Variants in KDM4A observed in about 807,000 individuals in gnomAD.
KDM4A encodes lysine demethylase 4A.
KDM4A carries 23 observed loss-of-function variants against 127.1 expected under a neutral mutation model. The ratio of observed to expected loss-of-function variants is 0.18; its 90% confidence interval spans 0.13 to 0.26. KDM4A has a LOEUF of 0.26. KDM4A is among the 10% of genes least tolerant of loss of function. The probability of loss-of-function intolerance (pLI) is 1.00; values close to 1 mark genes in which losing one functional copy is unlikely to be tolerated. For synonymous variants in KDM4A, 443 were observed against 466.5 expected, an observed-to-expected ratio of 0.95 and a Z score of 0.65; for missense variants, 890 against 1,329.1, an observed-to-expected ratio of 0.67 and a Z score of 5.14.
chr1:43,688,862 G>A lies in KDM4A; in HGVS notation c.1856-52G>A. The A allele has an allele frequency of 2.6e-6, 4 of 1,525,590 alleles. No individual in the cohort carries two copies. Among genetic ancestry groups the A allele is most frequent in the Non-Finnish European group, 3.6e-6 (4 of 1,109,398 alleles). 94.5% of individuals were successfully genotyped at this position (1,525,590 alleles called of 1,614,324 possible). A position where few individuals can be genotyped will look rare whatever the true frequency, so the allele number is the denominator to read the frequency against. On this transcript the variant is annotated intron_variant, in intron 12 of 21. Coordinates refer to ENST00000372396, the MANE Select transcript of KDM4A (RefSeq NM_014663.3). The surrounding 1 kb of genome is among the most constrained non-coding windows in gnomAD (Gnocchi z 4.4). Reference sequence around the variant, plus strand: ...GGAACTCATCTGTTCTCCAGGCAGAGCCACAGATGTGCAGGGTTAGTGCTG... The same window carrying A: ...GGAACTCATCTGTTCTCCAGGCAGAACCACAGATGTGCAGGGTTAGTGCTG...
At position 43,659,075 on chromosome 1, in the gene KDM4A, T is replaced by TC. The variant is rs1047138062; in HGVS notation, c.315-1222dup. ...ACTTTGGGAGGCCGAGGTTGGAGGA[T>TC]CACTGGAGGCCAGGAATTTGAGACC... On this transcript the variant is annotated intron_variant, in intron 3 of 21. Transcript: ENST00000372396. 1.1e-3 allele frequency among the ~76,000 whole-genome samples: 166 copies of TC among 152,122 alleles called. 2 individuals carry two copies. Among genetic ancestry groups the TC allele is most frequent in the African/African-American group, 3.8e-3 (157 of 41,504 alleles).
chr1:43,677,684 C>T (rs2154047752), intron 11 of KDM4A, among the ~76,000 whole-genome samples: 1 of 152,092 alleles, frequency 6.6e-6, no homozygotes, highest in Admixed American at 6.5e-5. Flanking sequence ...GAAGATTGTT[C>T]TGGAGGCAGT....
intron 5 of KDM4A, among the ~76,000 whole-genome samples, chr1:43,664,658 T>C (rs1477681610): frequency 1.3e-5 from 2 of 152,220 alleles, no homozygotes; most frequent in African/African-American, 4.8e-5. Flanking sequence ...AAAGAACCTT[T>C]TGAGCCTATG....
chr1:43,696,893 G>A (rs1661253875), intron 18 of KDM4A, among the ~76,000 whole-genome samples: 1 of 149,274 alleles, frequency 6.7e-6, no homozygotes, highest in African/African-American at 2.4e-5. Context: ...TAGGTGCCAG[G>A]ACTATACCAT....
rs952618893 is a variant in KDM4A, at chr1:43,694,121, T to C, written c.2484+19T>C. 2.5e-6 allele frequency: 4 copies of C among 1,586,362 alleles called. No homozygotes were observed. The highest frequency in any genetic ancestry group is 2.7e-5 in the African/African-American group (2 of 74,364). On this transcript the variant is annotated intron_variant, in intron 17 of 21. Coordinates refer to ENST00000372396, the MANE Select transcript of KDM4A (RefSeq NM_014663.3). This position sits in a 1 kb window ranked among gnomAD's most constrained non-coding sequence, Gnocchi z 5.2. ...CAAACTGGTAAGGGCTTGTAGACTC[T>C]ACATAATTTCCCGACTTACAAGTTT... is the stretch of plus-strand genomic sequence containing the variant.
At chr1:43,671,115 T>C in intron 10 of KDM4A, among the ~76,000 whole-genome samples, 1 of 152,256 alleles carries the variant, frequency 6.6e-6, no homozygotes, top group East Asian at 1.9e-4. Context: ...ACATCCACCC[T>C]CTTAATATTT....
intron 9 of KDM4A, 109 bp downstream of exon 9, chr1:43,668,128 GT>G (rs1660540779): frequency 1.4e-6 from 2 of 1,407,344 alleles, no homozygotes; most frequent in African/African-American, 2.9e-5. Flanking sequence ...TTTTGTTTTT[GT>G]TTTTGTTTTT....
intron 11 of KDM4A, among the ~76,000 whole-genome samples, chr1:43,679,599 T>A (rs1660813679): frequency 6.6e-6 from 1 of 152,140 alleles, no homozygotes; most frequent in Non-Finnish European, 1.5e-5. Flanking sequence ...GTCAAGGGCC[T>A]TTTTTAGGTC....
chr1:43,672,558 G>A (rs575915476), intron 11 of KDM4A, among the ~76,000 whole-genome samples: 4 of 149,238 alleles, frequency 2.7e-5, no homozygotes, highest in Non-Finnish European at 5.9e-5. Flanking sequence ...GCAGTGGCAC[G>A]ATCTTGGCTC....
Position 43,704,273 on chromosome 1 carries a change from A to G in KDM4A, c.3098A>G (p.Lys1033Arg). The part of the protein sequence containing the change: ...DMRFNEIFTE[K>R]EVKQEKKRQR... ...CGCTTCAATGAGATTTTCACAGAGA[A>G]AGAGGTTAAGCAAGAAAAGAAACGG... Residue 1033 changes from lysine (K) to arginine (R), a missense_variant, in exon 22 of 22, where the codon AAA becomes AGA. Around this residue, in one of 7 missense-constraint regions of KDM4A, gnomAD observed 246 missense variants for 418.4 expected, o/e 0.59. Coordinates refer to ENST00000372396, the MANE Select transcript of KDM4A (RefSeq NM_014663.3). 1 of 1,614,154 alleles carries G rather than the reference A, an allele frequency of 6.2e-7. No individual in the cohort carries two copies. The highest frequency in any genetic ancestry group is 1.1e-5 in the South Asian group (1 of 91,082).
At chr1:43,666,641 C>T (rs1660507139) in intron 7 of KDM4A, 86 bp downstream of exon 7, 2 of 1,060,440 alleles carry the variant, frequency 1.9e-6, no homozygotes, top group Admixed American at 3.8e-5. Flanking sequence ...ATCACTATAC[C>T]AAGAGGGGGC....
intron 19 of KDM4A, among the ~76,000 whole-genome samples, chr1:43,703,137 T>C (rs1661446652): frequency 6.6e-6 from 1 of 151,920 alleles, no homozygotes; most frequent in Non-Finnish European, 1.5e-5. Flanking sequence ...AGAGATGGGG[T>C]TTCACCATGT....
rs1660841092 is a variant in KDM4A at position 43,680,840 on chromosome 1, C to T, written c.1735-2844C>T. Among the ~76,000 whole-genome samples, 6 of 152,230 alleles carry T rather than the reference C, an allele frequency of 3.9e-5. No individual in the cohort carries two copies. In the South Asian group the frequency reaches 1.0e-3, roughly 26 times the overall value. On this transcript the variant is annotated intron_variant, in intron 11 of 21. Coordinates refer to ENST00000372396, the MANE Select transcript of KDM4A (RefSeq NM_014663.3). Reference sequence around the variant, plus strand: ...CAGGGTACGCTCCCTATTTTAAACACTATCTGATTAGCAATCTTAATTCTC... The same window carrying T: ...CAGGGTACGCTCCCTATTTTAAACATTATCTGATTAGCAATCTTAATTCTC...
intron 4 of KDM4A, among the ~76,000 whole-genome samples, chr1:43,662,501 G>A (rs574627622): frequency 2.6e-5 from 4 of 152,210 alleles, no homozygotes; most frequent in South Asian, 4.2e-4. Flanking sequence ...CCAGGTGCGC[G>A]GGAGGCTGAA....
In KDM4A at chr1:43,704,521, C is replaced by T; in HGVS notation, c.*151C>T. 1.2e-6 allele frequency: 1 copy of T among 825,452 alleles called. No individual in the cohort carries two copies. Among genetic ancestry groups the T allele is most frequent in the Non-Finnish European group, 1.9e-6 (1 of 530,232 alleles). 51.1% of individuals were successfully genotyped at this position (825,452 alleles called of 1,614,324 possible). A position where few individuals can be genotyped will look rare whatever the true frequency, so the allele number is the denominator to read the frequency against. On this transcript the variant is annotated 3_prime_UTR_variant, in exon 22 of 22. Transcript: ENST00000372396. ...CCGACCCATCATCTTCTCACCCACC[C>T]TCATTGCATTCCGCTGTAGTGAAAG...
Position 43,669,311 on chromosome 1 carries a change from A to AT in KDM4A, c.1363+13dup, listed in dbSNP as rs1660567791. On this transcript the variant is annotated intron_variant, in intron 10 of 21. Transcript: ENST00000372396. The stretch of plus-strand genomic sequence containing the variant: ...TCTTACCTTCCCAGGTTAGTTGACT[A>AT]TGGTGTATTTTCCACAACCCTAACT... 1 of 1,613,484 alleles carries AT rather than the reference A, an allele frequency of 6.2e-7. No individual in the cohort carries two copies. The highest frequency in any genetic ancestry group is 1.7e-5 in the Admixed American group (1 of 59,984).
intron 1 of KDM4A, among the ~76,000 whole-genome samples, chr1:43,652,679 C>CTTTCT (rs1415433887): frequency 1.7e-5 from 2 of 118,770 alleles, no homozygotes; most frequent in African/African-American, 6.2e-5. Context: ...TTCTTTCTTT[C>CTTTCT]TTTTTTTTTT....
chr1:43,680,019 T>G (rs1660823424), intron 11 of KDM4A, among the ~76,000 whole-genome samples: 1 of 152,160 alleles, frequency 6.6e-6, no homozygotes, highest in Non-Finnish European at 1.5e-5. Flanking sequence ...CAGCTGCTAG[T>G]TGGTCGAACC....
chr1:43,704,404 C>T lies in KDM4A; in HGVS notation c.*34C>T. 6.3e-7 allele frequency: 1 copy of T among 1,597,666 alleles called. No homozygotes were observed. Among genetic ancestry groups the T allele is most frequent in the Non-Finnish European group, 8.5e-7 (1 of 1,172,504 alleles). On this transcript the variant is annotated 3_prime_UTR_variant, in exon 22 of 22. Coordinates refer to ENST00000372396, the MANE Select transcript of KDM4A (RefSeq NM_014663.3). ...AGGGTCCAAGGGATTCTCAGCCATC[C>T]AGGCAAGAGCACTCTGGGTTCCACA...
Sources: gnomAD v4.1 joint callset for allele counts (sites outside exome capture counted in the v4.1 genomes callset) on GRCh38, gnomAD v4.1.1 for gene constraint, gnomAD v4.1.1 regional missense constraint, Gnocchi (gnomAD v3.1) non-coding constraint, MANE v1.5 for transcripts, NCBI Gene and HGNC (gene_info 2026-07-23, HGNC 2026-07-21) for gene names.